The following IL17RA variants were observed in gnomAD, a reference collection of about 807,000 sequenced individuals.
IL17RA encodes the protein interleukin 17 receptor A, also known as interleukin-17 receptor A.
In IL17RA, 34 loss-of-function variants were observed where a neutral mutation model predicts 50.4. That is an observed-to-expected ratio of 0.67 (90% CI 0.51 to 0.90). The LOEUF (loss-of-function observed/expected upper bound fraction) is 0.90, where lower values mean the gene tolerates loss of function less well. Ranked by LOEUF, IL17RA falls within the 40% of genes least tolerant of loss-of-function variation. The pLI is 0.00. For synonymous variants in IL17RA, 585 were observed against 510.4 expected (o/e 1.15, Z -1.97); for missense variants, 1,276 against 1,169.8 (o/e 1.09, Z -1.32).
At position 17,097,064 on chromosome 22, in the gene IL17RA, G is replaced by T; in HGVS notation, c.141G>T (p.Gly47=). 6.2e-7 allele frequency: 1 copy of T among 1,613,550 alleles called. No homozygotes were observed. The highest frequency in any genetic ancestry group is 1.1e-5 in the South Asian group (1 of 91,072). Residue 47 remains glycine (G), a splice_region_variant and synonymous_variant, in exon 2 of 13, where the codon GGG becomes GGT. Coordinates refer to ENST00000319363, the MANE Select transcript of IL17RA (RefSeq NM_014339.7). ...DHRALVCSQP[G]LNCTVKNSTC... ...TAACCACCCTCTTTTTTCCACAGGG[G>T]CTAAACTGCACGGTCAAGAATAGTA...
rs548267502 is a variant in IL17RA, at chr22:17,096,910, C to T, written c.139-152C>T. On this transcript the variant is annotated intron_variant, in intron 1 of 12. Transcript: ENST00000319363. ...AAAGCACCATTCCCTTTGCCATCCCCTGGACTCACTCCTCATCCTATTCCC... is the reference window on the plus strand; with the variant it reads ...AAAGCACCATTCCCTTTGCCATCCCTTGGACTCACTCCTCATCCTATTCCC... 186 of 744,384 alleles carry T rather than the reference C, an allele frequency of 2.5e-4. No homozygotes were observed. The African/African-American group carries it at 2.5e-3, about 10-fold the overall frequency. 46.1% of individuals were successfully genotyped at this position (744,384 alleles called of 1,614,324 possible).
At chr22:17,092,857 TTG>T (rs2061352804) in intron 1 of IL17RA, among the ~76,000 whole-genome samples, 1 of 152,232 alleles carries the variant, frequency 6.6e-6, no homozygotes. Context: ...CCTATTCTAT[TTG>T]TGCTTTCAGA....
At chr22:17,104,350 G>A (rs2061404888) in intron 8 of IL17RA, among the ~76,000 whole-genome samples, 2 of 134,770 alleles carry the variant, frequency 1.5e-5, no homozygotes, top group African/African-American at 5.7e-5. Flanking sequence ...GTGCACAGGT[G>A]GAGAGAGTGG....
chr22:17,091,490 C>T (rs983255740), intron 1 of IL17RA, among the ~76,000 whole-genome samples: 8 of 151,864 alleles, frequency 5.3e-5, no homozygotes, highest in African/African-American at 1.7e-4. Context: ...TCCTGTCTAA[C>T]GCAGTGAAAC....
chr22:17,099,779 C>T (rs555850742), intron 4 of IL17RA, among the ~76,000 whole-genome samples: 7 of 152,198 alleles, frequency 4.6e-5, no homozygotes, highest in African/African-American at 1.2e-4. Context: ...GGGTTGGAGT[C>T]GATGTCTGTA....
rs41454546 is a variant in IL17RA, at chr22:17,101,898, C to T, written c.551-98C>T. The T allele has an allele frequency of 0.18, 271,804 of 1,482,442 alleles. 26,515 individuals are homozygous for T. The highest frequency in any genetic ancestry group is 0.29 in the East Asian group (12,508 of 43,846). The allele number at this position is 1,482,442 out of a possible 1,614,324, so 91.8% of individuals were successfully genotyped here. A position where few individuals can be genotyped will look rare whatever the true frequency, so the allele number is the denominator to read the frequency against. On this transcript the variant is annotated intron_variant, in intron 5 of 12. Transcript: ENST00000319363. ...AAGGGGCCACCTGCGGACAGGCTCCCAGTGGGGAAAAGATTGTTGTTCTTG... is the reference window on the plus strand; with the variant it reads ...AAGGGGCCACCTGCGGACAGGCTCCTAGTGGGGAAAAGATTGTTGTTCTTG...
chr22:17,103,217 A>G (rs974613051), intron 7 of IL17RA, among the ~76,000 whole-genome samples: 3 of 152,244 alleles, frequency 2.0e-5, no homozygotes, highest in Admixed American at 6.5e-5. Context: ...GTTCTGTACA[A>G]CTGGTGTCCA....
At chr22:17,097,183 GT>G in intron 2 of IL17RA, 97 bp downstream of exon 2, 2 of 1,203,810 alleles carry the variant, frequency 1.7e-6, no homozygotes, top group Non-Finnish European at 2.5e-6. Context: ...GCCACTCCAG[GT>G]TCAGGCTGTG....
In IL17RA at chr22:17,109,437, C is replaced by T. The variant is rs1289687102; in HGVS notation, c.2218C>T (p.Leu740Phe). The T allele has an allele frequency of 3.1e-6, 5 of 1,613,310 alleles. No homozygotes were observed. Among genetic ancestry groups the T allele is most frequent in the African/African-American group, 1.3e-5 (1 of 74,942 alleles). Residue 740 changes from leucine to phenylalanine, a missense_variant, in exon 13 of 13, where the codon CTT becomes TTT. By Grantham distance (22) the Leu-to-Phe change is conservative. Coordinates refer to ENST00000319363, the MANE Select transcript of IL17RA (RefSeq NM_014339.7). ...SSTPMASPDL[L>F]PEDVREHLEG... is the part of the protein sequence containing the mutation. ...CACCCCCATGGCGTCTCCTGACCTC[C>T]TTCCAGAGGACGTGAGGGAGCACCT...
intron 5 of IL17RA, among the ~76,000 whole-genome samples, chr22:17,101,435 A>C (rs1325379282): frequency 6.6e-6 from 1 of 152,132 alleles, no homozygotes; most frequent in Admixed American, 6.5e-5. Context: ...CTGGTACTGC[A>C]TGCTGTGTGT....
In IL17RA at chr22:17,109,741, G is replaced by A. The variant is rs906456948; in HGVS notation, c.2522G>A (p.Arg841Gln). The A allele has an allele frequency of 3.2e-6, 5 of 1,564,870 alleles. No individual in the cohort carries two copies. Among genetic ancestry groups the A allele is most frequent in the African/African-American group, 2.7e-5 (2 of 73,918 alleles). ...EDLESLRSLQ[R>Q]QLLFRQLQKN... is the part of the protein sequence containing the mutation. Reference sequence around the variant, plus strand: ...CTGGAGAGCCTGAGGAGCCTCCAGCGGCAGCTGCTTTTCCGCCAGCTGCAG... The same window carrying A: ...CTGGAGAGCCTGAGGAGCCTCCAGCAGCAGCTGCTTTTCCGCCAGCTGCAG... The change falls in exon 13 of 13, where the codon CGG (arginine) becomes CAG (glutamine). Residue 841 changes from arginine (R) to glutamine (Q), a missense_variant. By Grantham distance (43) the Arg-to-Gln change is conservative (BLOSUM62 1). Coordinates refer to ENST00000319363, the MANE Select transcript of IL17RA (RefSeq NM_014339.7).
chr22:17,096,783 T>C (rs922509037), intron 1 of IL17RA, among the ~76,000 whole-genome samples: 5 of 148,040 alleles, frequency 3.4e-5, no homozygotes, highest in African/African-American at 1.3e-4. Flanking sequence ...GGCAGGAGAA[T>C]GGCGTGAACC....
intron 10 of IL17RA, 114 bp downstream of exon 10, chr22:17,105,716 G>GGC (rs2061411389): frequency 7.8e-7 from 1 of 1,278,618 alleles, no homozygotes; most frequent in African/African-American, 2.4e-5. Context: ...AGGCCAGCCC[G>GGC]GGGTGGGGGG....
rs193113393 is a variant in IL17RA, at chr22:17,085,485, C to A, written c.138+256C>A. 4.1e-3 allele frequency among the ~76,000 whole-genome samples: 629 copies of A among 152,156 alleles called. 4 individuals are homozygous for A. The highest frequency in any genetic ancestry group is 0.015 in the African/African-American group (612 of 41,530). On this transcript the variant is annotated intron_variant, in intron 1 of 12. Coordinates refer to ENST00000319363, the MANE Select transcript of IL17RA (RefSeq NM_014339.7). ...GCGGCGCGTGTTGCACAACCTGGCCCGCCGTCGTGACTGGAGGCGGGAGTG... is the reference window on the plus strand; with the variant it reads ...GCGGCGCGTGTTGCACAACCTGGCCAGCCGTCGTGACTGGAGGCGGGAGTG...
At chr22:17,086,221 C>G (rs1342575716) in intron 1 of IL17RA, among the ~76,000 whole-genome samples, 1 of 151,990 alleles carries the variant, frequency 6.6e-6, no homozygotes, top group Non-Finnish European at 1.5e-5. Context: ...ATCTTTCCTC[C>G]CCTCCACCTC....
intron 5 of IL17RA, 106 bp downstream of exon 5, chr22:17,100,587 A>G (rs2061387461): frequency 1.4e-6 from 2 of 1,436,498 alleles, no homozygotes; most frequent in African/African-American, 1.4e-5. Context: ...ATTGGCTGGC[A>G]TTGCCAGCAC....
intron 1 of IL17RA, among the ~76,000 whole-genome samples, chr22:17,092,076 AC>A (rs1438797308): frequency 1.3e-5 from 2 of 152,144 alleles, no homozygotes; most frequent in African/African-American, 4.8e-5. Context: ...TTTACCCATC[AC>A]ATCTGGGAAG....
chr22:17,098,038 C>A, intron 3 of IL17RA, 95 bp downstream of exon 3: 2 of 1,458,172 alleles, frequency 1.4e-6, no homozygotes, highest in African/African-American at 1.4e-5. Context: ...GTCCTGTGCT[C>A]AGACATGGGG....
rs1228133745 is a variant in IL17RA at position 17,098,899 on chromosome 22, G to A, written c.423+12G>A. The A allele has an allele frequency of 2.5e-6, 4 of 1,596,168 alleles. No homozygotes were observed. Among genetic ancestry groups the A allele is most frequent in the Non-Finnish European group, 3.4e-6 (4 of 1,163,610 alleles). ...ATCACCACAGGCGGGTAAGAACACA[G>A]CTCCTGAGTGGATTATGTTCCACTG... On this transcript the variant is annotated intron_variant, in intron 4 of 12. Transcript: ENST00000319363.
Sources: gnomAD v4.1 joint callset for allele counts (sites outside exome capture counted in the v4.1 genomes callset) on GRCh38, gnomAD v4.1.1 for gene constraint, MANE v1.5 for transcripts, NCBI Gene and HGNC (gene_info 2026-07-23, HGNC 2026-07-21) for gene names.